Variants in NHERF4 observed in about 807,000 individuals in gnomAD.
The protein encoded by NHERF4 is Na(+)/H(+) exchange regulatory cofactor NHE-RF4.
the NHERF4 span, chr11:119,185,544 T>A: frequency 1.9e-6 from 3 of 1,606,158 alleles, no homozygotes; most frequent in South Asian, 3.3e-5. Context: ...TGCAGGGGAC[T>A]TTGGGACAGG....
chr11:119,187,365 T>G, the NHERF4 span: 3 of 1,613,860 alleles, frequency 1.9e-6, no homozygotes, highest in South Asian at 3.3e-5. Flanking sequence ...TGGGAGAAGA[T>G]GCCCACCTCT....
chr11:119,187,217 G>C, the NHERF4 span: 1 of 1,426,560 alleles, frequency 7.0e-7, no homozygotes, highest in Non-Finnish European at 9.3e-7. Context: ...GGAGGTCCTG[G>C]GGGTTGGCAA....
At chr11:119,185,654 G>C in the NHERF4 span, 3 of 809,358 alleles carry the variant, frequency 3.7e-6, no homozygotes, top group Admixed American at 6.2e-5. Flanking sequence ...GAAAAGTAAT[G>C]AGTTGATATG....
At chr11:119,188,816 T>C in the NHERF4 span, 1 of 1,614,204 alleles carries the variant, frequency 6.2e-7, no homozygotes, top group Non-Finnish European at 8.5e-7. Flanking sequence ...GTGGCAGCTA[T>C]GGCTTCCGAC....
chr11:119,185,610 G>A, the NHERF4 span: 10 of 1,198,194 alleles, frequency 8.3e-6, no homozygotes, highest in Non-Finnish European at 1.2e-5. Flanking sequence ...TGATTTTGGG[G>A]CTTGGAGCCC....
chr11:119,189,861 T>TG, the NHERF4 span: 2 of 366,082 alleles, frequency 5.5e-6, no homozygotes, highest in Admixed American at 7.9e-5. The surrounding 1 kb of genome is among the most constrained non-coding windows in gnomAD (Gnocchi z 5.8). Context: ...AGACCAGCTA[T>TG]GCCTGCCCTC....
the NHERF4 span, chr11:119,188,717 G>T: frequency 6.2e-7 from 1 of 1,614,180 alleles, no homozygotes; most frequent in Non-Finnish European, 8.5e-7. Context: ...CAGCCTCACT[G>T]GTTGAGACAG....
At chr11:119,187,581 TG>T in the NHERF4 span, 1 of 1,590,738 alleles carries the variant, frequency 6.3e-7, no homozygotes, top group East Asian at 2.3e-5. Flanking sequence ...GGGTCCTTTC[TG>T]GTTGGTGCTA....
At chr11:119,188,527 T>C in the NHERF4 span, 13 of 1,600,414 alleles carry the variant, frequency 8.1e-6, no homozygotes, top group South Asian at 1.1e-5. Context: ...TCGTCGACCC[T>C]GAGGCGGACC....
At chr11:119,187,655 T>C in the NHERF4 span, 14 of 1,551,704 alleles carry the variant, frequency 9.0e-6, no homozygotes, top group East Asian at 3.4e-4. Context: ...TGGAAGTGAA[T>C]GGGGTCAGTG....
chr11:119,187,691 C>T, the NHERF4 span: 3 of 1,511,672 alleles, frequency 2.0e-6, no homozygotes, highest in Non-Finnish European at 2.7e-6. Flanking sequence ...ACAACCAACT[C>T]ACCAGGAAGG....
the NHERF4 span, chr11:119,189,332 G>A: frequency 5.4e-6 from 8 of 1,478,096 alleles, no homozygotes; most frequent in South Asian, 2.3e-5. The surrounding 1 kb of genome is among the most constrained non-coding windows in gnomAD (Gnocchi z 5.8). Context: ...ACTTCAGGTC[G>A]TGGTAGGTGG....
the NHERF4 span, chr11:119,188,138 C>A: frequency 1.3e-6 from 2 of 1,539,188 alleles, no homozygotes; most frequent in East Asian, 2.5e-5. Context: ...CCTTGACGGT[C>A]GCCCTGGTGA....
chr11:119,186,346 A>G, the NHERF4 span: 3 of 1,553,308 alleles, frequency 1.9e-6, no homozygotes, highest in Admixed American at 1.7e-5. The surrounding 1 kb of genome is among the most constrained non-coding windows in gnomAD (Gnocchi z 4.4). Flanking sequence ...CACGAACCCC[A>G]CCACCCAACA....
the NHERF4 span, chr11:119,186,374 T>C: frequency 6.4e-7 from 1 of 1,560,856 alleles, no homozygotes; most frequent in Non-Finnish European, 8.8e-7. The surrounding 1 kb of genome is among the most constrained non-coding windows in gnomAD (Gnocchi z 4.4). Context: ...AGGCAGAAAC[T>C]GCCCAGCACC....
the NHERF4 span, chr11:119,189,407 A>G: frequency 1.9e-6 from 3 of 1,601,262 alleles, no homozygotes; most frequent in Non-Finnish European, 2.6e-6. This position sits in a 1 kb window ranked among gnomAD's most constrained non-coding sequence, Gnocchi z 5.8. Flanking sequence ...GGGCAAGAAA[A>G]AGGAACTCTT....
At chr11:119,186,606 C>T in the NHERF4 span, 16 of 1,613,948 alleles carry the variant, frequency 9.9e-6, no homozygotes, top group Middle Eastern at 1.6e-4. The surrounding 1 kb of genome is among the most constrained non-coding windows in gnomAD (Gnocchi z 4.4). Context: ...ACCCAGGCAC[C>T]TCTGCCCAGC....
the NHERF4 span, chr11:119,188,972 T>C: frequency 3.1e-6 from 5 of 1,613,624 alleles, no homozygotes; most frequent in African/African-American, 6.7e-5. Flanking sequence ...TTTCCCCCGG[T>C]GTCCCCTGTT....
the NHERF4 span, chr11:119,187,346 G>A: frequency 1.7e-5 from 27 of 1,613,708 alleles, no homozygotes; most frequent in Non-Finnish European, 2.0e-5. Context: ...GACGTGGCCC[G>A]AGCTCAGCTG....
Sources: allele counts gnomAD v4.1 joint callset, GRCh38; gene constraint gnomAD v4.1.1; non-coding constraint Gnocchi (gnomAD v3.1); transcripts MANE v1.5; gene names NCBI Gene and HGNC (gene_info 2026-07-23, HGNC 2026-07-21).